BAIAP3: variants seen among roughly 807,000 people sequenced by gnomAD.
BAIAP3 encodes the protein BAI1-associated protein 3.
In BAIAP3, 180 loss-of-function variants were observed where a neutral mutation model predicts 149.7. The ratio of observed to expected loss-of-function variants is 1.20; its 90% CI spans 1.07 to 1.36. The LOEUF is 1.36. BAIAP3 is among the 40% of genes most tolerant of loss of function. The pLI, the probability that BAIAP3 is intolerant of heterozygous loss-of-function variation, is 0.00. For missense variants in BAIAP3, 1,767 were observed against 1,563.4 expected, an observed-to-expected ratio of 1.13 and a Z score of -2.20; for synonymous variants, 845 against 670.7, an observed-to-expected ratio of 1.26 and a Z score of -4.02.
At chr16:1,335,653 C>T (rs1029978435) in intron 1 of BAIAP3, among the ~76,000 whole-genome samples, 1 of 152,202 alleles carries the variant, frequency 6.6e-6, no homozygotes, top group Non-Finnish European at 1.5e-5. Flanking sequence ...CCCAGGAAGC[C>T]TGGGGTTTCC....
chr16:1,335,440 A>G (rs1010371519), intron 1 of BAIAP3, among the ~76,000 whole-genome samples: 1 of 143,776 alleles, frequency 7.0e-6, no homozygotes, highest in African/African-American at 2.7e-5. Context: ...GAGTTACATC[A>G]CGTCTGGGCC....
Position 1,346,593 on chromosome 16 carries a change from C to G in BAIAP3, c.2563-12C>G. The G allele has an allele frequency of 2.6e-6, 4 of 1,559,740 alleles. No homozygotes were observed. Among genetic ancestry groups the G allele is most frequent in the Non-Finnish European group, 3.5e-6 (4 of 1,152,894 alleles). On this transcript the variant is annotated splice_polypyrimidine_tract_variant and intron_variant, in intron 26 of 33. Coordinates refer to ENST00000426824, the MANE Select transcript of BAIAP3 (RefSeq NM_001199097.2). ...TGCGGGGTAAGCCTGGCCTGACCACCCCTGCCCGCAGGCCGTGGCCCCGCT... is the reference window on the plus strand; with the variant it reads ...TGCGGGGTAAGCCTGGCCTGACCACGCCTGCCCGCAGGCCGTGGCCCCGCT...
At position 1,341,393 on chromosome 16, in the gene BAIAP3, G is replaced by A. The variant is rs377482883; in HGVS notation, c.635G>A (p.Gly212Asp). 3.2e-5 allele frequency: 52 copies of A among 1,612,622 alleles called. No homozygotes were observed. The African/African-American group carries it at 3.3e-4, about 10-fold the overall frequency. Reference sequence around the variant, plus strand: ...GAGCAGCGCTTCGGCTTCCGCAAGGGCAGCAAGCGCGGTGGACCCCTGCCT... The same window carrying A: ...GAGCAGCGCTTCGGCTTCCGCAAGGACAGCAAGCGCGGTGGACCCCTGCCT... ...QKEQRFGFRK[G>D]SKRGGPLPAK... The change falls in exon 8 of 34, where the codon GGC becomes GAC. Residue 212 changes from glycine (G) to aspartate (D), a missense_variant. Transcript: ENST00000426824.
rs148053271 is a variant in BAIAP3 at position 1,340,788 on chromosome 16, A to G, written c.409-134A>G. 1,547 of 942,538 alleles carry G rather than the reference A, an allele frequency of 1.6e-3. 1 individual carries two copies. The highest frequency in any genetic ancestry group is 3.9e-3 in the Middle Eastern group (15 of 3,884). The allele number at this position is 942,538 out of a possible 1,614,324, so 58.4% of individuals were successfully genotyped here. A position where few individuals can be genotyped will look rare whatever the true frequency, so the allele number is the denominator to read the frequency against. On this transcript the variant is annotated intron_variant, in intron 5 of 33. Coordinates refer to ENST00000426824, the MANE Select transcript of BAIAP3 (RefSeq NM_001199097.2). ...CACAAACCCTCTGCCGCTGCCTCCCAGGCTTCCCCCAACCCTGCACCCGTG... is the reference window on the plus strand; with the variant it reads ...CACAAACCCTCTGCCGCTGCCTCCCGGGCTTCCCCCAACCCTGCACCCGTG...
In BAIAP3 at chr16:1,346,499, C is replaced by T. The variant is rs1318027806; in HGVS notation, c.2551C>T (p.Gln851Ter). 1 of 1,611,328 alleles carries T rather than the reference C, an allele frequency of 6.2e-7. No homozygotes were observed. The highest frequency in any genetic ancestry group is 2.2e-5 in the East Asian group (1 of 44,820). Residue 851 changes from glutamine to a stop codon, truncating the protein, a stop_gained, in exon 26 of 34, where the codon CAG becomes TAG. Transcript: ENST00000426824. LOFTEE classifies it high-confidence loss of function. ...QHISLSPDSI[Q>*]NDEAVAPLMK... ...CATCAGTCTCTCGCCTGACTCCATC[C>T]AGAACGATGAGGTGAGTGCCGGGGC...
At chr16:1,334,736 AGG>A in intron 1 of BAIAP3, 1 of 1,552,822 alleles carries the variant, frequency 6.4e-7, no homozygotes. Context: ...TCGGCTTCGC[AGG>A]GGCCATCTGG....
At chr16:1,346,135 C>A (rs2034343601) in intron 24 of BAIAP3, 35 bp from the exon 25 acceptor site, 2 of 1,607,450 alleles carry the variant, frequency 1.2e-6, no homozygotes, top group East Asian at 2.2e-5. Flanking sequence ...TCACCAGGCC[C>A]CGGACCCATC....
rs374109731 is a variant in BAIAP3 at position 1,346,836 on chromosome 16, C to A, written c.2643-11C>A. 2 of 1,583,242 alleles carry A rather than the reference C, an allele frequency of 1.3e-6. No individual in the cohort carries two copies. Among genetic ancestry groups the A allele is most frequent in the South Asian group, 1.1e-5 (1 of 87,628 alleles). ...TGGGGCTGGCCCGTGGTCACTGATGCTGCCCTGCAGGGTGCTGGAGGCCCT... is the reference window on the plus strand; with the variant it reads ...TGGGGCTGGCCCGTGGTCACTGATGATGCCCTGCAGGGTGCTGGAGGCCCT... On this transcript the variant is annotated splice_polypyrimidine_tract_variant and intron_variant, in intron 27 of 33. Coordinates refer to ENST00000426824, the MANE Select transcript of BAIAP3 (RefSeq NM_001199097.2).
chr16:1,348,563 T>C lies in BAIAP3; in HGVS notation c.*81T>C. 1 of 1,400,528 alleles carries C rather than the reference T, an allele frequency of 7.1e-7. No homozygotes were observed. Among genetic ancestry groups the C allele is most frequent in the Non-Finnish European group, 9.9e-7 (1 of 1,014,896 alleles). 86.8% of individuals were successfully genotyped at this position (1,400,528 alleles called of 1,614,324 possible). ...CTCCAGCTCACTGTGGCCAGCTTTG[T>C]GCAACCAGGGCCCACGGCGCCCCTC... On this transcript the variant is annotated 3_prime_UTR_variant, in exon 34 of 34. Coordinates refer to ENST00000426824, the MANE Select transcript of BAIAP3 (RefSeq NM_001199097.2).
chr16:1,342,597 G>A lies in BAIAP3; in HGVS notation c.1028G>A (p.Gly343Glu). The part of the protein sequence containing the change: ...EPRSSASRVQ[G>E]HCHLVLKLIT... The stretch of plus-strand genomic sequence containing the variant: ...CGCTCCAGTGCCTCGCGTGTGCAGG[G>A]ACACTGCCACCTGGTTCTCAAGCTG... The change falls in exon 12 of 34, where the codon GGA becomes GAA. Residue 343 changes from glycine to glutamate, a missense_variant. Transcript: ENST00000426824. 6.4e-7 allele frequency: 1 copy of A among 1,569,928 alleles called. No homozygotes were observed. Among genetic ancestry groups the A allele is most frequent in the Non-Finnish European group, 8.6e-7 (1 of 1,158,264 alleles).
At position 1,347,355 on chromosome 16, in the gene BAIAP3, G is replaced by A; in HGVS notation, c.2809G>A (p.Asp937Asn). The A allele has an allele frequency of 1.9e-6, 3 of 1,613,610 alleles. No homozygotes were observed. The highest frequency in any genetic ancestry group is 2.5e-6 in the Non-Finnish European group (3 of 1,179,982). The change falls in exon 29 of 34, where the codon GAT (aspartate) becomes AAT (asparagine). Residue 937 changes from aspartate (D) to asparagine (N), a missense_variant. Physicochemically the swap from Asp to Asn is conservative, Grantham distance 23 (BLOSUM62 1). Transcript: ENST00000426824. Reference sequence around the variant, plus strand: ...GGGTTTGCCCCTGGAGAGCCTGAGGGATGGAAGCTACAAGGTGAGGTGGGA... The same window carrying A: ...GGGTTTGCCCCTGGAGAGCCTGAGGAATGGAAGCTACAAGGTGAGGTGGGA... ...GQGLPLESLR[D>N]GSYKRLKEEL...
chr16:1,347,992 C>T lies in BAIAP3; in HGVS notation c.3124C>T (p.Pro1042Ser). The change falls in exon 32 of 34, where the codon CCT becomes TCT. Residue 1042 changes from proline (P) to serine (S), a missense_variant. Transcript: ENST00000426824. ...CCAGGTGAAGACCCGGACGCTGCACCCTGTATACGACGAACTCTTCTACTT... is the reference window on the plus strand; with the variant it reads ...CCAGGTGAAGACCCGGACGCTGCACTCTGTATACGACGAACTCTTCTACTT... The part of the protein sequence containing the change: ...RTQVKTRTLH[P>S]VYDELFYFSV... 1 of 1,610,702 alleles carries T rather than the reference C, an allele frequency of 6.2e-7. No individual in the cohort carries two copies. The highest frequency in any genetic ancestry group is 1.1e-5 in the South Asian group (1 of 91,088).
Position 1,344,952 on chromosome 16 carries a change from C to A in BAIAP3, c.1810-17C>A. 1 of 1,613,372 alleles carries A rather than the reference C, an allele frequency of 6.2e-7. No homozygotes were observed. Among genetic ancestry groups the A allele is most frequent in the Non-Finnish European group, 8.5e-7 (1 of 1,179,978 alleles). ...GATTCCTTGCTGCTGGAGGCCTGAT[C>A]CTGCTGTCCCGGACAGGTGGCTGAG... On this transcript the variant is annotated splice_polypyrimidine_tract_variant and intron_variant, in intron 20 of 33. Coordinates refer to ENST00000426824, the MANE Select transcript of BAIAP3 (RefSeq NM_001199097.2).
rs770199387 is a variant in BAIAP3, at chr16:1,345,377, C to T, written c.2064+5C>T. ...GGAGCCGTGGACATGGACACGGTGA[C>T]AGCTGCCCTGGCCTGAGGACACTGG... On this transcript the variant is annotated splice_donor_5th_base_variant and intron_variant, in intron 22 of 33. Transcript: ENST00000426824. 3.7e-5 allele frequency: 60 copies of T among 1,610,818 alleles called. No individual in the cohort carries two copies. The highest frequency in any genetic ancestry group is 4.7e-5 in the Non-Finnish European group (56 of 1,179,032).
At chr16:1,343,072 G>C in intron 14 of BAIAP3, 56 bp downstream of exon 14, 1 of 1,508,834 alleles carries the variant, frequency 6.6e-7, no homozygotes, top group African/African-American at 1.4e-5. Flanking sequence ...GAGCGAGTGG[G>C]GCATCGGGGG....
At position 1,338,667 on chromosome 16, in the gene BAIAP3, G is replaced by T. The variant is rs761781931; in HGVS notation, c.118G>T (p.Ala40Ser). 5.7e-5 allele frequency: 90 copies of T among 1,583,308 alleles called. No individual in the cohort carries two copies. Among genetic ancestry groups the T allele is most frequent in the Non-Finnish European group, 7.2e-5 (84 of 1,166,642 alleles). The change falls in exon 2 of 34, where the codon GCC becomes TCC. Residue 40 changes from alanine (A) to serine (S), a missense_variant. Coordinates refer to ENST00000426824, the MANE Select transcript of BAIAP3 (RefSeq NM_001199097.2). ...GSASADPQEP[A>S]TGAWKPGDGV... The stretch of plus-strand genomic sequence containing the variant: ...TGCCAGCGCCGACCCGCAGGAGCCT[G>T]CCACGGGGGCCTGGTGGGTGCCGAG...
chr16:1,347,535 C>T lies in BAIAP3; in HGVS notation c.2824-10C>T, dbSNP rs1402812092. ...CCCAGGGGCCCCTCCTGATGCGCTT[C>T]CCCCTGCAGAGGCTGAAGGAGGAGC... On this transcript the variant is annotated splice_polypyrimidine_tract_variant and intron_variant, in intron 29 of 33. Transcript: ENST00000426824. 3 of 1,599,738 alleles carry T rather than the reference C, an allele frequency of 1.9e-6. No homozygotes were observed. Among genetic ancestry groups the T allele is most frequent in the South Asian group, 1.1e-5 (1 of 89,632 alleles).
At chr16:1,345,424 T>G in intron 22 of BAIAP3, 52 bp downstream of exon 22, 2 of 1,406,210 alleles carry the variant, frequency 1.4e-6, no homozygotes, top group Non-Finnish European at 1.9e-6. Flanking sequence ...GCCCCCAGCC[T>G]CCCCCGCCTC....
rs1431231605 is a variant in BAIAP3 at position 1,345,368 on chromosome 16, A to G, written c.2060A>G (p.Asp687Gly). The G allele has an allele frequency of 2.5e-6, 4 of 1,611,502 alleles. No individual in the cohort carries two copies. The highest frequency in any genetic ancestry group is 3.4e-6 in the Non-Finnish European group (4 of 1,179,340). Residue 687 changes from aspartate (D) to glycine (G), a missense_variant, in exon 22 of 34, where the codon GAC becomes GGC. Asp to Gly is a moderately conservative substitution (Grantham distance 94). Transcript: ENST00000426824. ...KWRLQGAVDM[D>G]TLEPVDASSR... Reference sequence around the variant, plus strand: ...AGGCTTCAGGGAGCCGTGGACATGGACACGGTGACAGCTGCCCTGGCCTGA... The same window carrying G: ...AGGCTTCAGGGAGCCGTGGACATGGGCACGGTGACAGCTGCCCTGGCCTGA...
Sources: gnomAD v4.1 joint callset for allele counts (sites outside exome capture counted in the v4.1 genomes callset) on GRCh38, gnomAD v4.1.1 for gene constraint, MANE v1.5 for transcripts, NCBI Gene and HGNC (gene_info 2026-07-23, HGNC 2026-07-21) for gene names.